PKD1L1: variants seen among roughly 807,000 people sequenced by gnomAD.
The protein encoded by PKD1L1 is polycystin 1 like 1, transient receptor potential channel interacting, also known as polycystin-1-like protein 1.
In PKD1L1, 236 loss-of-function variants were observed where a neutral mutation model predicts 323.4. The ratio of observed to expected loss-of-function variants is 0.73; its 90% CI spans 0.66 to 0.81. The LOEUF is 0.81. Among genes scored for constraint, PKD1L1 ranks in the 40% least tolerant of loss-of-function variants. The probability of loss-of-function intolerance (pLI) is 0.00; values close to 1 mark genes in which losing one functional copy is unlikely to be tolerated. For synonymous variants in PKD1L1, 1,344 were observed against 1,335.0 expected (o/e 1.01, Z -0.15); for missense variants, 3,320 against 3,508.0 (o/e 0.95, Z 1.35).
At chr7:47,787,339 C>T (rs1786831008) in intron 56 of PKD1L1, among the ~76,000 whole-genome samples, 1 of 152,176 alleles carries the variant, frequency 6.6e-6, no homozygotes, top group Non-Finnish European at 1.5e-5. Context: ...ATAAATACCT[C>T]ATAAAGTGAT....
Position 47,792,629 on chromosome 7 carries a change from C to T in PKD1L1, c.8524G>A (p.Glu2842Lys), listed in dbSNP as rs1429348495. ...LVDISSYQAAEPADIKDF is the reference protein window; with the variant it reads ...LVDISSYQAAKPADIKDF ...TAAATAATTTTGCATGGTCTTACCT[C>T]AGCAGCTTGGTAACTAGAAATGTCC... The change falls in exon 56 of 57, where the codon GAG becomes AAG. Residue 2842 changes from glutamate (E) to lysine (K), a missense_variant and splice_region_variant. Coordinates refer to ENST00000289672, the MANE Select transcript of PKD1L1 (RefSeq NM_138295.5). 5.6e-6 allele frequency: 9 copies of T among 1,611,712 alleles called. No individual in the cohort carries two copies. Among genetic ancestry groups the T allele is most frequent in the Non-Finnish European group, 7.6e-6 (9 of 1,178,540 alleles).
At chr7:47,889,777 G>A (rs909049027) in intron 16 of PKD1L1, among the ~76,000 whole-genome samples, 6 of 152,144 alleles carry the variant, frequency 3.9e-5, no homozygotes, top group African/African-American at 9.7e-5. Flanking sequence ...TGACATATAG[G>A]GCTATGGGCA....
intron 24 of PKD1L1, among the ~76,000 whole-genome samples, chr7:47,871,080 C>T (rs958173405): frequency 5.4e-5 from 8 of 149,288 alleles, no homozygotes; most frequent in African/African-American, 2.0e-4. Flanking sequence ...AGAAAGAAAA[C>T]TACAGGCCAA....
chr7:47,954,607 A>ACT, the PKD1L1 span, among the ~76,000 whole-genome samples: 70,836 of 151,754 alleles, frequency 0.47, 17,095 homozygotes, highest in East Asian at 0.54. Context: ...AACTGTAATT[A>ACT]CTCTTTTCTT....
At chr7:47,921,747 G>C (rs1787545692) in intron 7 of PKD1L1, among the ~76,000 whole-genome samples, 1 of 152,084 alleles carries the variant, frequency 6.6e-6, no homozygotes, top group Admixed American at 6.5e-5. Flanking sequence ...CAGCAACCTG[G>C]ATGAGATTGG....
chr7:47,793,176 G>A (rs968110794), intron 55 of PKD1L1, among the ~76,000 whole-genome samples: 5 of 152,010 alleles, frequency 3.3e-5, no homozygotes, highest in Non-Finnish European at 7.4e-5. Flanking sequence ...GGCAATAATG[G>A]ATGGGGAAGC....
chr7:47,793,623 G>A (rs1787006304), intron 55 of PKD1L1, among the ~76,000 whole-genome samples: 1 of 152,140 alleles, frequency 6.6e-6, no homozygotes, highest in Non-Finnish European at 1.5e-5. Flanking sequence ...GCTTGAAAAT[G>A]AACTAAAACA....
At position 47,868,739 on chromosome 7, in the gene PKD1L1, G is replaced by A. The variant is rs572195011; in HGVS notation, c.3897-2125C>T. On this transcript the variant is annotated intron_variant, in intron 24 of 56. Coordinates refer to ENST00000289672, the MANE Select transcript of PKD1L1 (RefSeq NM_138295.5). ...AAAAATACAAAATTAGCCAGGCGTC[G>A]TGGCACATGCCTGTAATACCAGCTA... Among the ~76,000 whole-genome samples, 165 of 152,230 alleles carry A rather than the reference G, an allele frequency of 1.1e-3. 2 individuals are homozygous for A. The highest frequency in any genetic ancestry group is 3.7e-3 in the African/African-American group (155 of 41,530).
At chr7:47,925,852 C>T (rs1787647510) in intron 7 of PKD1L1, among the ~76,000 whole-genome samples, 1 of 152,174 alleles carries the variant, frequency 6.6e-6, no homozygotes, top group African/African-American at 2.4e-5. Context: ...ATAGCAGCAG[C>T]TTTTCTATAT....
chr7:47,788,740 T>C (rs1411482144), intron 56 of PKD1L1, among the ~76,000 whole-genome samples: 2 of 151,366 alleles, frequency 1.3e-5, no homozygotes, highest in African/African-American at 2.4e-5. Flanking sequence ...GGAATACAGG[T>C]GCCCGCCACC....
At chr7:47,800,540 G>T (rs1784637323) in intron 54 of PKD1L1, 109 bp downstream of exon 54, 2 of 1,117,594 alleles carry the variant, frequency 1.8e-6, no homozygotes, top group African/African-American at 3.1e-5. Context: ...ATTACCATGA[G>T]ATCTGGCCTG....
Position 47,874,866 on chromosome 7 carries a change from C to T in PKD1L1, c.3785-856G>A, listed in dbSNP as rs151075156. Among the ~76,000 whole-genome samples, 728 of 152,260 alleles carry T rather than the reference C, an allele frequency of 4.8e-3. 6 individuals carry two copies. Among genetic ancestry groups the T allele is most frequent in the African/African-American group, 0.017 (702 of 41,544 alleles). ...TATTTTGCTTATGTTCGCCCCCTTA[C>T]AAATCTTGAGTTCAGGTATTCATAG... On this transcript the variant is annotated intron_variant, in intron 23 of 56. Transcript: ENST00000289672.
intron 25 of PKD1L1, among the ~76,000 whole-genome samples, chr7:47,865,817 G>C (rs1247344402): frequency 1.3e-5 from 2 of 150,342 alleles, no homozygotes; most frequent in Non-Finnish European, 2.9e-5. Context: ...GGATGGTCAC[G>C]ATCTCCTGAC....
At position 47,835,127 on chromosome 7, in the gene PKD1L1, A is replaced by G. The variant is rs1455371480; in HGVS notation, c.6054+6T>C. 2 of 1,601,006 alleles carry G rather than the reference A, an allele frequency of 1.2e-6. No individual in the cohort carries two copies. Among genetic ancestry groups the G allele is most frequent in the African/African-American group, 1.3e-5 (1 of 74,274 alleles). On this transcript the variant is annotated splice_donor_region_variant and intron_variant, in intron 38 of 56. Transcript: ENST00000289672. ...GAACAGGGCCATGAGGACAAGTCGC[A>G]GGTACCTTGCTGAGCCTGAAGAGCA...
At chr7:47,900,878 A>T (rs963912256) in intron 13 of PKD1L1, among the ~76,000 whole-genome samples, 2 of 152,242 alleles carry the variant, frequency 1.3e-5, no homozygotes, top group African/African-American at 4.8e-5. Context: ...TAATAACAAA[A>T]GAAAATGCTC....
Position 47,930,935 on chromosome 7 carries a change from A to T in PKD1L1, c.737+169T>A, listed in dbSNP as rs113632276. Among the ~76,000 whole-genome samples the T allele has an allele frequency of 1.3e-3, 196 of 152,384 alleles. 1 individual carries two copies. Among genetic ancestry groups the T allele is most frequent in the African/African-American group, 4.3e-3 (177 of 41,592 alleles). On this transcript the variant is annotated intron_variant, in intron 6 of 56. Coordinates refer to ENST00000289672, the MANE Select transcript of PKD1L1 (RefSeq NM_138295.5). ...GTGGCATGGGTCCCTGATGGCAAAC[A>T]GTGGCCAATTATGTCTACAGCATTG... is the stretch of plus-strand genomic sequence containing the variant.
Position 47,803,325 on chromosome 7 carries a change from C to A in PKD1L1, c.7847G>T (p.Gly2616Val). Residue 2616 changes from glycine (G) to valine (V), a missense_variant, in exon 53 of 57, where the codon GGA (glycine) becomes GTA (valine). Coordinates refer to ENST00000289672, the MANE Select transcript of PKD1L1 (RefSeq NM_138295.5). The part of the protein sequence containing the change: ...SWNQRARWLR[G>V]ILLFLFTLKC... ...TAATGTGAAGAGGAATAAGAGGATTCCCCGGAGCCATCGAGCCCTCTGAGA... is the reference window on the plus strand; with the variant it reads ...TAATGTGAAGAGGAATAAGAGGATTACCCGGAGCCATCGAGCCCTCTGAGA... 2.5e-6 allele frequency: 4 copies of A among 1,613,976 alleles called. No homozygotes were observed. The highest frequency in any genetic ancestry group is 3.4e-6 in the Non-Finnish European group (4 of 1,179,996).
chr7:47,815,205 C>G (rs1206934070), intron 47 of PKD1L1, 129 bp downstream of exon 47: 1 of 1,261,112 alleles, frequency 7.9e-7, no homozygotes, highest in Non-Finnish European at 1.1e-6. Flanking sequence ...TGGAGAGCCA[C>G]CGGCCTTACA....
At chr7:47,824,391 T>C (rs1295623368) in intron 45 of PKD1L1, among the ~76,000 whole-genome samples, 1 of 152,108 alleles carries the variant, frequency 6.6e-6, no homozygotes, top group Non-Finnish European at 1.5e-5. Flanking sequence ...AATTAGAAAA[T>C]AACAGAATTC....
Sources: gnomAD v4.1 joint callset for allele counts (sites outside exome capture counted in the v4.1 genomes callset) on GRCh38, gnomAD v4.1.1 for gene constraint, MANE v1.5 for transcripts, NCBI Gene and HGNC (gene_info 2026-07-23, HGNC 2026-07-21) for gene names.